Variants in CNTN4 observed in about 807,000 individuals in gnomAD.
The protein encoded by CNTN4 is contactin 4, also known as contactin-4.
Under a neutral mutation model 122.5 loss-of-function variants are expected in CNTN4, and 77 were observed. The ratio of observed to expected loss-of-function variants is 0.63; its 90% CI spans 0.52 to 0.76. CNTN4 has a LOEUF of 0.76. Ranked by LOEUF, CNTN4 falls within the 30% of genes least tolerant of loss-of-function variation. CNTN4 has a pLI of 0.00. For missense variants in CNTN4, 1,256 were observed against 1,259.1 expected (o/e 1.00, Z 0.04); for synonymous variants, 512 against 447.0 (o/e 1.15, Z -1.83).
intron 2 of CNTN4, among the ~76,000 whole-genome samples, chr3:2,321,000 TG>T (rs1231997763): frequency 1.3e-5 from 2 of 152,118 alleles, no homozygotes; most frequent in Admixed American, 6.6e-5. Context: ...TAGGATCTCA[TG>T]GGAGAGTTCA....
chr3:2,435,490 T>G (rs1368889382), intron 3 of CNTN4, among the ~76,000 whole-genome samples: 1 of 152,160 alleles, frequency 6.6e-6, no homozygotes. Flanking sequence ...CAAATATTTT[T>G]GATCTGCAGT....
At chr3:2,578,037 C>T (rs2079772482) in intron 4 of CNTN4, among the ~76,000 whole-genome samples, 1 of 152,048 alleles carries the variant, frequency 6.6e-6, no homozygotes, top group African/African-American at 2.4e-5. Flanking sequence ...CTGTATAATT[C>T]ACAGGAGACA....
chr3:2,225,160 C>A (rs1044537032), intron 2 of CNTN4, among the ~76,000 whole-genome samples: 10 of 149,138 alleles, frequency 6.7e-5, no homozygotes, highest in East Asian at 4.0e-4. Flanking sequence ...CCACCACCCC[C>A]AAAAAAAAAG....
intron 3 of CNTN4, among the ~76,000 whole-genome samples, chr3:2,406,370 C>A (rs745611737): frequency 2.2e-4 from 34 of 152,284 alleles, no homozygotes; most frequent in Non-Finnish European, 4.0e-4. Flanking sequence ...GAGGCTGCAC[C>A]AGGCAAACCT....
At chr3:2,528,800 A>G (rs1347698687) in intron 3 of CNTN4, among the ~76,000 whole-genome samples, 3 of 152,054 alleles carry the variant, frequency 2.0e-5, no homozygotes, top group Non-Finnish European at 2.9e-5. Context: ...CACCTTTAGT[A>G]TGACAAGCTA....
intron 3 of CNTN4, among the ~76,000 whole-genome samples, chr3:2,412,185 A>T (rs2047248609): frequency 1.3e-5 from 2 of 151,904 alleles, no homozygotes; most frequent in South Asian, 2.1e-4. Context: ...TTATGTCATT[A>T]TATGAATATA....
At chr3:2,693,372 G>C (rs1283622575) in intron 4 of CNTN4, among the ~76,000 whole-genome samples, 1 of 152,110 alleles carries the variant, frequency 6.6e-6, no homozygotes, top group Non-Finnish European at 1.5e-5. Flanking sequence ...TCAAATATCA[G>C]TTCAGGTTGA....
chr3:2,316,613 T>C (rs920212577), intron 2 of CNTN4, among the ~76,000 whole-genome samples: 1 of 152,234 alleles, frequency 6.6e-6, no homozygotes, highest in Non-Finnish European at 1.5e-5. Flanking sequence ...TGTAAAACAT[T>C]GCTTATCACA....
chr3:3,025,607 C>A (rs1698660991), intron 14 of CNTN4, among the ~76,000 whole-genome samples: 1 of 152,058 alleles, frequency 6.6e-6, no homozygotes, highest in African/African-American at 2.4e-5. Context: ...ATTTGTTTTT[C>A]TATTCCTTCT....
At chr3:2,638,778 GACA>G (rs1348549534) in intron 4 of CNTN4, among the ~76,000 whole-genome samples, 1 of 152,114 alleles carries the variant, frequency 6.6e-6, no homozygotes, top group African/African-American at 2.4e-5. Context: ...TTCAGATAAT[GACA>G]ACTTCATCTT....
chr3:3,009,182 G>GAA (rs1226415364), intron 14 of CNTN4, among the ~76,000 whole-genome samples: 1 of 152,142 alleles, frequency 6.6e-6, no homozygotes, highest in African/African-American at 2.4e-5. Flanking sequence ...TAAACAGTGG[G>GAA]CCATGGTTAC....
chr3:2,815,537 T>A (rs1190940936), intron 6 of CNTN4, among the ~76,000 whole-genome samples: 1 of 152,060 alleles, frequency 6.6e-6, no homozygotes, highest in Non-Finnish European at 1.5e-5. Flanking sequence ...AAAACCACAA[T>A]GTGATACCGC....
chr3:2,596,822 A>T (rs2080791548), intron 4 of CNTN4, among the ~76,000 whole-genome samples: 1 of 152,216 alleles, frequency 6.6e-6, no homozygotes, highest in Non-Finnish European at 1.5e-5. Context: ...AATACAATAA[A>T]TGCTATGTGC....
At chr3:2,817,071 G>T (rs751822188) in intron 6 of CNTN4, among the ~76,000 whole-genome samples, 45 of 152,234 alleles carry the variant, frequency 3.0e-4, no homozygotes, top group Admixed American at 5.9e-4. Context: ...AACAATTTGA[G>T]GCATGTAATC....
In CNTN4 at chr3:2,456,792, C is replaced by G. The variant is rs550882009; in HGVS notation, c.-88-114624C>G. 3.3e-5 allele frequency among the ~76,000 whole-genome samples: 5 copies of G among 152,178 alleles called. No individual in the cohort carries two copies. In the South Asian group the frequency reaches 1.0e-3, roughly 32 times the overall value. On this transcript the variant is annotated intron_variant, in intron 3 of 24. Transcript: ENST00000418658. ...CTATCTATGGACGCTTGAGTTGTTT[C>G]CACCTTTTGGCTATTGTGAAAAGTG...
intron 6 of CNTN4, among the ~76,000 whole-genome samples, chr3:2,793,188 T>A (rs1208939081): frequency 6.6e-6 from 1 of 152,044 alleles, no homozygotes; most frequent in African/African-American, 2.4e-5. Flanking sequence ...ACAGGTTTGC[T>A]TGCTGGAAAG....
chr3:2,207,539 C>G (rs2038415121), intron 2 of CNTN4, among the ~76,000 whole-genome samples: 1 of 152,030 alleles, frequency 6.6e-6, no homozygotes, highest in Non-Finnish European at 1.5e-5. Context: ...CACAACGTTC[C>G]CTTAAAGACC....
chr3:2,342,687 C>T (rs2044254672), intron 3 of CNTN4, among the ~76,000 whole-genome samples: 1 of 152,190 alleles, frequency 6.6e-6, no homozygotes, highest in East Asian at 1.9e-4. Flanking sequence ...CTTCCTGCTG[C>T]CATGTGAAGA....
chr3:2,303,664 A>G (rs1231449203), intron 2 of CNTN4, among the ~76,000 whole-genome samples: 1 of 152,134 alleles, frequency 6.6e-6, no homozygotes, highest in Non-Finnish European at 1.5e-5. Context: ...TTTGGATTAA[A>G]TTACTACTAT....
Sources: gnomAD v4.1 joint callset for allele counts (sites outside exome capture counted in the v4.1 genomes callset) on GRCh38, gnomAD v4.1.1 for gene constraint, MANE v1.5 for transcripts, NCBI Gene and HGNC (gene_info 2026-07-23, HGNC 2026-07-21) for gene names.